The following NBEA variants were observed in gnomAD, a reference collection of about 807,000 sequenced individuals.
NBEA encodes neurobeachin, also known as lysosomal-trafficking regulator 2.
Under a neutral mutation model 343.4 loss-of-function variants are expected in NBEA, and 44 were observed. The ratio of observed to expected loss-of-function variants is 0.13; its 90% confidence interval spans 0.10 to 0.16. NBEA has a LOEUF of 0.16. Ranked by LOEUF, NBEA falls within the 10% of genes least tolerant of loss-of-function variation. The pLI, the probability that NBEA is intolerant of heterozygous loss-of-function variation, is 1.00. For synonymous variants in NBEA, 1,175 were observed against 1,238.7 expected (o/e 0.95, Z 1.08); for missense variants, 2,555 against 3,631.3 (o/e 0.70, Z 7.62).
chr13:35,071,493 AATGTT>A (rs1241032672), intron 10 of NBEA, among the ~76,000 whole-genome samples: 1 of 152,008 alleles, frequency 6.6e-6, no homozygotes, highest in Non-Finnish European at 1.5e-5. Flanking sequence ...ACTCTAATTT[AATGTT>A]ATATCTTAGA....
chr13:35,200,070 C>T (rs1459200413), intron 31 of NBEA, among the ~76,000 whole-genome samples: 4 of 151,924 alleles, frequency 2.6e-5, no homozygotes, highest in Admixed American at 2.0e-4. Flanking sequence ...TTTCAAAGTT[C>T]TGTTACTGTG....
chr13:35,570,901 A>C (rs1473246796), intron 45 of NBEA, among the ~76,000 whole-genome samples: 1 of 152,226 alleles, frequency 6.6e-6, no homozygotes, highest in African/African-American at 2.4e-5. Context: ...CAATGAAGAG[A>C]TGTCCACTAA....
intron 16 of NBEA, among the ~76,000 whole-genome samples, chr13:35,120,071 T>C (rs1400473937): frequency 1.3e-5 from 2 of 152,216 alleles, no homozygotes; most frequent in Non-Finnish European, 2.9e-5. Flanking sequence ...TTGTTTATTA[T>C]ATTACTTGAT....
intron 41 of NBEA, among the ~76,000 whole-genome samples, chr13:35,513,034 G>A (rs1417276616): frequency 6.6e-6 from 1 of 151,972 alleles, no homozygotes; most frequent in Non-Finnish European, 1.5e-5. Flanking sequence ...AAAACTCTTG[G>A]CATAAATTTA....
chr13:35,535,065 G>A (rs7999690), intron 41 of NBEA, among the ~76,000 whole-genome samples: 33,166 of 152,012 alleles, frequency 0.22, 4,911 homozygotes, highest in African/African-American at 0.37. Context: ...TACTGTTTTC[G>A]TTGCCTGCAA....
chr13:35,463,419 T>C (rs12868636), intron 40 of NBEA, among the ~76,000 whole-genome samples: 27,480 of 151,982 alleles, frequency 0.18, 2,635 homozygotes, highest in East Asian at 0.35. Flanking sequence ...GCTCAGGAGT[T>C]CGAGATCAGC....
At chr13:35,071,843 T>A (rs2063887129) in intron 10 of NBEA, among the ~76,000 whole-genome samples, 1 of 152,124 alleles carries the variant, frequency 6.6e-6, no homozygotes, top group Non-Finnish European at 1.5e-5. Context: ...TTTGGGAACA[T>A]CTTTATGTAA....
At chr13:35,068,480 T>C (rs1024493688) in intron 8 of NBEA, among the ~76,000 whole-genome samples, 7 of 152,194 alleles carry the variant, frequency 4.6e-5, no homozygotes, top group Admixed American at 1.3e-4. Flanking sequence ...TAACAACTTA[T>C]CTGTGTGTTT....
At chr13:35,636,258 G>A (rs1403026700) in intron 49 of NBEA, among the ~76,000 whole-genome samples, 1 of 152,076 alleles carries the variant, frequency 6.6e-6, no homozygotes, top group Non-Finnish European at 1.5e-5. Flanking sequence ...TAGATATTTA[G>A]AACTCATTTT....
chr13:35,657,828 G>A (rs2084891204), intron 55 of NBEA, among the ~76,000 whole-genome samples: 1 of 152,118 alleles, frequency 6.6e-6, no homozygotes, highest in Non-Finnish European at 1.5e-5. Flanking sequence ...GCCCAGAAAT[G>A]ATGCAAGTGT....
chr13:35,546,101 GTA>G (rs1204716868), intron 41 of NBEA, among the ~76,000 whole-genome samples: 2 of 152,126 alleles, frequency 1.3e-5, no homozygotes, highest in Non-Finnish European at 2.9e-5. Context: ...TAGGCACTGT[GTA>G]TCGAACAGTA....
intron 41 of NBEA, among the ~76,000 whole-genome samples, chr13:35,502,110 A>G (rs946903438): frequency 7.9e-5 from 12 of 152,144 alleles, no homozygotes; most frequent in African/African-American, 2.7e-4. Context: ...CAGAAATCAC[A>G]GGAAACAATG....
chr13:35,473,854 G>T (rs1240709679), intron 41 of NBEA, among the ~76,000 whole-genome samples: 1 of 152,062 alleles, frequency 6.6e-6, no homozygotes, highest in Non-Finnish European at 1.5e-5. Flanking sequence ...TTATGACTTT[G>T]TTAAGTTCAT....
chr13:34,945,116 G>GT (rs2059149935), intron 1 of NBEA, among the ~76,000 whole-genome samples: 2 of 152,268 alleles, frequency 1.3e-5, no homozygotes, highest in Non-Finnish European at 2.9e-5. Flanking sequence ...TAGAAATAAA[G>GT]TAATACTGAG....
chr13:35,193,350 C>T (rs556005360), intron 30 of NBEA, among the ~76,000 whole-genome samples: 13 of 151,958 alleles, frequency 8.6e-5, no homozygotes, highest in Admixed American at 3.3e-4. Flanking sequence ...CCAAAATGTA[C>T]GGCTATTCTT....
intron 38 of NBEA, among the ~76,000 whole-genome samples, chr13:35,366,413 TA>T (rs1217933934): frequency 6.6e-6 from 1 of 151,204 alleles, no homozygotes; most frequent in African/African-American, 2.4e-5. Context: ...TATTATATAT[TA>T]AAAAAAGAAA....
intron 49 of NBEA, among the ~76,000 whole-genome samples, chr13:35,639,288 A>C (rs567626995): frequency 6.4e-4 from 98 of 152,252 alleles, no homozygotes; most frequent in African/African-American, 2.3e-3. Flanking sequence ...CAAAGTGCAG[A>C]TATTATTTGC....
At chr13:35,130,164 T>C (rs2067338203) in intron 17 of NBEA, among the ~76,000 whole-genome samples, 1 of 152,028 alleles carries the variant, frequency 6.6e-6, no homozygotes, top group Admixed American at 6.6e-5. Flanking sequence ...TATGTAGGGG[T>C]AGGGACATAT....
intron 10 of NBEA, among the ~76,000 whole-genome samples, chr13:35,080,494 T>G (rs562491406): frequency 6.6e-6 from 1 of 152,248 alleles, no homozygotes; most frequent in East Asian, 1.9e-4. Flanking sequence ...TAGATATTCT[T>G]TATCAGAAAG....
Sources: allele counts gnomAD v4.1 joint callset (sites outside exome capture counted in the v4.1 genomes callset), GRCh38; gene constraint gnomAD v4.1.1; transcripts MANE v1.5; gene names NCBI Gene and HGNC (gene_info 2026-07-23, HGNC 2026-07-21).